Variants in ARHGEF4 observed in about 807,000 individuals in gnomAD.
The protein encoded by ARHGEF4 is APC-stimulated guanine nucleotide exchange factor 1.
A neutral mutation model predicts 162.0 loss-of-function variants in ARHGEF4; 119 were observed. The observed-to-expected ratio is 0.73, with a 90% CI of 0.63 to 0.86. ARHGEF4 has a LOEUF of 0.86. Among genes scored for constraint, ARHGEF4 ranks in the 40% least tolerant of loss-of-function variants. The pLI is 0.00. For synonymous variants in ARHGEF4, 1,014 were observed against 979.9 expected, an observed-to-expected ratio of 1.03 and a Z score of -0.65; for missense variants, 2,488 against 2,456.0, an observed-to-expected ratio of 1.01 and a Z score of -0.28.
intron 4 of ARHGEF4, among the ~76,000 whole-genome samples, chr2:131,001,503 G>A (rs1687768504): frequency 1.3e-5 from 2 of 152,084 alleles, no homozygotes. Flanking sequence ...CCTTCACATT[G>A]GCAGATGCGT....
intron 4 of ARHGEF4, among the ~76,000 whole-genome samples, chr2:131,002,778 C>T (rs1687869505): frequency 7.0e-6 from 1 of 143,278 alleles, no homozygotes; most frequent in Admixed American, 7.0e-5. Context: ...GAGCTCACTG[C>T]TCTTTGTAAA....
chr2:130,923,131 T>C (rs1681993054), intron 2 of ARHGEF4, among the ~76,000 whole-genome samples: 1 of 152,122 alleles, frequency 6.6e-6, no homozygotes, highest in Non-Finnish European at 1.5e-5. Flanking sequence ...GGTTTCGCCA[T>C]ATTGGCTAGG....
intron 1 of ARHGEF4, among the ~76,000 whole-genome samples, chr2:130,840,482 G>A (rs1007146608): frequency 2.0e-5 from 3 of 152,184 alleles, no homozygotes; most frequent in African/African-American, 7.2e-5. Flanking sequence ...GGGATGAGGT[G>A]TTGCTAATGA....
At chr2:130,893,036 T>A (rs115806243) in intron 1 of ARHGEF4, among the ~76,000 whole-genome samples, 4,085 of 152,316 alleles carry the variant, frequency 0.027, 158 homozygotes, top group African/African-American at 0.092. Context: ...GACCGCTGAG[T>A]GTGGCGTGCA....
chr2:131,039,817 T>C (rs921968316), intron 6 of ARHGEF4, 199 bp from the exon 7 acceptor site: 2 of 1,409,996 alleles, frequency 1.4e-6, no homozygotes, highest in African/African-American at 1.5e-5. Flanking sequence ...TGACGGCGGC[T>C]GCGGGCGTCG....
intron 2 of ARHGEF4, among the ~76,000 whole-genome samples, chr2:130,926,008 T>TCTTCTTTCTTTCTTTC (rs1553514598): frequency 3.7e-4 from 7 of 19,000 alleles, no homozygotes; most frequent in Non-Finnish European, 1.6e-3. Flanking sequence ...ATTTGTTTGG[T>TCTTCTTTCTTTCTTTC]TTTCTCTCTT....
chr2:130,839,207 C>T (rs1680428796), intron 1 of ARHGEF4, among the ~76,000 whole-genome samples: 3 of 152,158 alleles, frequency 2.0e-5, no homozygotes, highest in Non-Finnish European at 2.9e-5. Context: ...CTCTCAGACA[C>T]TGGTCGTAAG....
At chr2:131,039,959 G>A in intron 6 of ARHGEF4, 57 bp from the exon 7 acceptor site, 1 of 1,534,990 alleles carries the variant, frequency 6.5e-7, no homozygotes, top group East Asian at 2.5e-5. Context: ...GCGGCGCAGG[G>A]CGCGGGGCGT....
At chr2:131,003,903 T>C (rs888881201) in intron 4 of ARHGEF4, among the ~76,000 whole-genome samples, 1 of 152,140 alleles carries the variant, frequency 6.6e-6, no homozygotes, top group Non-Finnish European at 1.5e-5. Flanking sequence ...CCTGGAAATA[T>C]TTATACAGGG....
chr2:130,914,542 G>T lies in ARHGEF4; in HGVS notation c.596G>T (p.Gly199Val), dbSNP rs1681375275. 1 of 1,415,544 alleles carries T rather than the reference G, an allele frequency of 7.1e-7. No homozygotes were observed. The highest frequency in any genetic ancestry group is 9.2e-7 in the Non-Finnish European group (1 of 1,091,018). 87.7% of individuals were successfully genotyped at this position (1,415,544 alleles called of 1,614,324 possible). Residue 199 changes from glycine to valine, a missense_variant, in exon 2 of 14, where the codon GGG becomes GTG. Physicochemically the swap from Gly to Val is moderately radical, Grantham distance 109. This residue lies in a region of ARHGEF4 where 81 missense variants were observed against 125.8 expected (regional missense o/e 0.64). Transcript: ENST00000409359. ...TDSSGPEPVQ[G>V]VAVQDLRGLS... The stretch of plus-strand genomic sequence containing the variant: ...AGCAGTGGTCCTGAGCCAGTACAGG[G>T]GGTGGCTGTTCAAGACCTCAGAGGG...
Position 131,040,403 on chromosome 2 carries a change from C to A in ARHGEF4, c.4625C>A (p.Pro1542Gln). Residue 1542 changes from proline (P) to glutamine (Q), a missense_variant, in exon 8 of 14, where the codon CCA becomes CAA. Pro to Gln is a moderately conservative substitution (Grantham distance 76). Around this residue, in one of 6 missense-constraint regions of ARHGEF4, gnomAD observed 415 missense variants for 512.4 expected, o/e 0.81. Transcript: ENST00000409359. ...ALEQRFNRERPHLSELGACFL... is the reference protein window; with the variant it reads ...ALEQRFNRERQHLSELGACFL... Reference sequence around the variant, plus strand: ...GAGCAGAGGTTCAACCGCGAGCGCCCACACCTGAGCGAGCTGGGTGCCTGC... The same window carrying A: ...GAGCAGAGGTTCAACCGCGAGCGCCAACACCTGAGCGAGCTGGGTGCCTGC... The A allele has an allele frequency of 6.2e-7, 1 of 1,605,244 alleles. No homozygotes were observed. The highest frequency in any genetic ancestry group is 8.5e-7 in the Non-Finnish European group (1 of 1,176,292).
chr2:130,934,474 T>A (rs1335442243), intron 3 of ARHGEF4, among the ~76,000 whole-genome samples: 3 of 152,194 alleles, frequency 2.0e-5, no homozygotes, highest in Non-Finnish European at 4.4e-5. Flanking sequence ...TTTTCTTTTC[T>A]TTTAGTGTCA....
chr2:130,917,628 C>T, intron 2 of ARHGEF4, 130 bp downstream of exon 2: 1 of 1,175,680 alleles, frequency 8.5e-7, no homozygotes, highest in South Asian at 1.7e-5. Context: ...CGTTACACTC[C>T]CAGCCGCCCC....
chr2:130,907,065 G>C (rs187515426), intron 1 of ARHGEF4, among the ~76,000 whole-genome samples: 1 of 152,170 alleles, frequency 6.6e-6, no homozygotes, highest in East Asian at 1.9e-4. Context: ...CCCTTGATCT[G>C]TTTACCATCC....
intron 1 of ARHGEF4, among the ~76,000 whole-genome samples, chr2:130,881,692 C>T (rs559386513): frequency 5.3e-5 from 8 of 152,194 alleles, no homozygotes; most frequent in African/African-American, 1.4e-4. Context: ...AAGGAGGGAG[C>T]GCTCACTGTG....
At chr2:130,969,422 C>T (rs1685213896) in intron 4 of ARHGEF4, among the ~76,000 whole-genome samples, 1 of 151,896 alleles carries the variant, frequency 6.6e-6, no homozygotes, top group South Asian at 2.1e-4. Context: ...ATGGTGAAAC[C>T]CCGTCTCTAC....
intron 3 of ARHGEF4, among the ~76,000 whole-genome samples, chr2:130,940,818 C>T (rs375779286): frequency 1.6e-5 from 2 of 125,242 alleles, no homozygotes; most frequent in Non-Finnish European, 3.2e-5. Context: ...GGTGACAGAG[C>T]GAGACTCCGT....
chr2:131,046,086 C>A lies in ARHGEF4; in HGVS notation c.5528C>A (p.Pro1843His), dbSNP rs1414976036. 1 of 1,612,938 alleles carries A rather than the reference C, an allele frequency of 6.2e-7. No individual in the cohort carries two copies. Among genetic ancestry groups the A allele is most frequent in the Non-Finnish European group, 8.5e-7 (1 of 1,179,864 alleles). ...YLTRQKHPAL[P>H]SNRPQQQVLV... ...ACGCGCCAGAAGCACCCAGCCCTGC[C>A]CAGCAACCGGCCCCAGCAGCAGGTC... The change falls in exon 14 of 14, where the codon CCC (proline) becomes CAC (histidine). Residue 1843 changes from proline (P) to histidine (H), a missense_variant. Physicochemically the swap from Pro to His is moderately conservative, Grantham distance 77. This residue lies in a region of ARHGEF4 where 415 missense variants were observed against 512.4 expected (regional missense o/e 0.81). Transcript: ENST00000409359.
At chr2:130,873,161 C>T (rs1272543576) in intron 1 of ARHGEF4, among the ~76,000 whole-genome samples, 2 of 152,224 alleles carry the variant, frequency 1.3e-5, no homozygotes, top group East Asian at 3.8e-4. Flanking sequence ...TGGGAAAAGC[C>T]ACTTGATCTG....
Sources: allele counts gnomAD v4.1 joint callset (sites outside exome capture counted in the v4.1 genomes callset), GRCh38; gene constraint gnomAD v4.1.1; regional missense constraint gnomAD v4.1.1; transcripts MANE v1.5; gene names NCBI Gene and HGNC (gene_info 2026-07-23, HGNC 2026-07-21).